The following LRP1B variants were observed in gnomAD, a reference collection of about 807,000 sequenced individuals.
LRP1B encodes the protein low-density lipoprotein receptor-related protein 1B.
A neutral mutation model predicts 556.6 loss-of-function variants in LRP1B; 217 were observed. That is an observed-to-expected ratio of 0.39 (90% CI 0.35 to 0.44). The LOEUF (loss-of-function observed/expected upper bound fraction) is 0.44. Ranked by LOEUF, LRP1B falls within the 20% of genes least tolerant of loss-of-function variation. The pLI, the probability that LRP1B is intolerant of heterozygous loss-of-function variation, is 1.00. For synonymous variants in LRP1B, 2,047 were observed against 1,865.8 expected, an observed-to-expected ratio of 1.10 and a Z score of -2.50; for missense variants, 5,053 against 5,620.8, an observed-to-expected ratio of 0.90 and a Z score of 3.23.
intron 1 of LRP1B, among the ~76,000 whole-genome samples, chr2:142,045,135 C>T (rs1457409703): frequency 2.6e-5 from 1 of 38,220 alleles, no homozygotes; most frequent in East Asian, 1.2e-3. Context: ...CAATATTACC[C>T]AAGGGGGAAA....
At chr2:142,072,318 G>C (rs902182909) in intron 1 of LRP1B, among the ~76,000 whole-genome samples, 1 of 151,766 alleles carries the variant, frequency 6.6e-6, no homozygotes, top group Non-Finnish European at 1.5e-5. Context: ...TTGCCCTTTG[G>C]GTAAATTCCA....
chr2:141,882,049 G>A (rs1356632894), intron 1 of LRP1B, among the ~76,000 whole-genome samples: 1 of 152,098 alleles, frequency 6.6e-6, no homozygotes, highest in African/African-American at 2.4e-5. Context: ...GAGCCATGGT[G>A]TAGGGCCTCA....
intron 2 of LRP1B, among the ~76,000 whole-genome samples, chr2:141,544,381 T>TCTTCTTCTTCCTCTTCTTCTTCTTCTC (rs1685463294): frequency 2.5e-5 from 2 of 79,756 alleles, no homozygotes; most frequent in African/African-American, 8.7e-5. Flanking sequence ...TTCTTCTTCT[T>TCTTCTTCTTCCTCTTCTTCTTCTTCTC]CTCCTCCTCC....
intron 3 of LRP1B, among the ~76,000 whole-genome samples, chr2:141,319,378 G>T (rs1687154318): frequency 8.2e-6 from 1 of 122,234 alleles, no homozygotes; most frequent in East Asian, 2.7e-4. Context: ...ATCTGTAATT[G>T]TAAATTATTT....
intron 3 of LRP1B, among the ~76,000 whole-genome samples, chr2:141,451,191 A>T (rs1378258798): frequency 6.6e-6 from 1 of 152,200 alleles, no homozygotes; most frequent in Non-Finnish European, 1.5e-5. Flanking sequence ...CTTGCAGCCA[A>T]GACCCTGAGT....
chr2:141,733,668 A>G (rs1415117110), intron 2 of LRP1B, among the ~76,000 whole-genome samples: 1 of 152,082 alleles, frequency 6.6e-6, no homozygotes, highest in South Asian at 2.1e-4. Flanking sequence ...TAATGCCCAC[A>G]TCATCATAGT....
chr2:142,121,506 C>T (rs1707455405), intron 1 of LRP1B, among the ~76,000 whole-genome samples: 1 of 152,148 alleles, frequency 6.6e-6, no homozygotes, highest in Non-Finnish European at 1.5e-5. Flanking sequence ...AAAATCACAA[C>T]TTCCTCTCAA....
At chr2:140,241,271 C>G (rs534208079) in intron 87 of LRP1B, among the ~76,000 whole-genome samples, 1 of 150,892 alleles carries the variant, frequency 6.6e-6, no homozygotes, top group South Asian at 2.1e-4. Flanking sequence ...AACACTTGTT[C>G]ACAAGTTTTA....
chr2:141,367,109 C>A (rs1329769243), intron 3 of LRP1B, among the ~76,000 whole-genome samples: 1 of 152,040 alleles, frequency 6.6e-6, no homozygotes, highest in African/African-American at 2.4e-5. Context: ...CTTTTCTTAG[C>A]CTTTGATAAA....
intron 41 of LRP1B, among the ~76,000 whole-genome samples, chr2:140,619,016 G>A (rs577779333): frequency 1.5e-4 from 23 of 151,502 alleles, no homozygotes; most frequent in South Asian, 4.2e-4. Context: ...GATTGTTTTC[G>A]TAACGTGACA....
chr2:140,383,855 ATAC>A (rs1297955970), intron 67 of LRP1B, among the ~76,000 whole-genome samples: 1 of 152,182 alleles, frequency 6.6e-6, no homozygotes, highest in African/African-American at 2.4e-5. Flanking sequence ...TGGGTATTTT[ATAC>A]TGGAATGCTT....
chr2:140,679,735 G>A (rs980528121), intron 41 of LRP1B, among the ~76,000 whole-genome samples: 12 of 151,950 alleles, frequency 7.9e-5, no homozygotes, highest in Non-Finnish European at 1.3e-4. Context: ...AGAAACTGGT[G>A]CCTGAGCATA....
At chr2:141,770,661 C>CA (rs1694872600) in intron 2 of LRP1B, among the ~76,000 whole-genome samples, 1 of 152,212 alleles carries the variant, frequency 6.6e-6, no homozygotes, top group African/African-American at 2.4e-5. Flanking sequence ...CAACAACCAT[C>CA]ACCCTCCCCC....
At chr2:140,605,730 G>A (rs1320399109) in intron 41 of LRP1B, among the ~76,000 whole-genome samples, 1 of 143,906 alleles carries the variant, frequency 6.9e-6, no homozygotes, top group Non-Finnish European at 1.5e-5. Context: ...AGTTTTTCTA[G>A]TATACGGTCT....
chr2:141,576,189 T>TACC (rs35529509), intron 2 of LRP1B, among the ~76,000 whole-genome samples: 1 of 151,924 alleles, frequency 6.6e-6, no homozygotes. Flanking sequence ...CCCAAATACC[T>TACC]AATGATAGAC....
chr2:141,517,847 GA>G (rs762707451), intron 2 of LRP1B, among the ~76,000 whole-genome samples: 1 of 152,082 alleles, frequency 6.6e-6, no homozygotes, highest in African/African-American at 2.4e-5. Context: ...AAGGATGTGG[GA>G]AAGCTTTTGT....
At chr2:141,914,455 C>T (rs1684666615) in intron 1 of LRP1B, among the ~76,000 whole-genome samples, 1 of 152,114 alleles carries the variant, frequency 6.6e-6, no homozygotes, top group Non-Finnish European at 1.5e-5. Context: ...CAGGTGGATG[C>T]CCACTCTCAC....
chr2:140,334,020 CAAAAA>C lies in LRP1B; in HGVS notation c.12223+428_12223+432del, dbSNP rs772476928. Among the ~76,000 whole-genome samples the C allele has an allele frequency of 9.1e-5, 13 of 143,056 alleles. 1 individual carries two copies. Among genetic ancestry groups the C allele is most frequent in the African/African-American group, 3.1e-4 (12 of 39,206 alleles). The allele number at this position is 143,056 out of a possible 152,430, so 93.9% of individuals were successfully genotyped here. Reference sequence around the variant, plus strand: ...GCAAAAAAAACAAAACAAAACAAAACAAAAAAAAAAACACCAAACCTGTCTTTTAC... The same window carrying C: ...GCAAAAAAAACAAAACAAAACAAAACAAAAAACACCAAACCTGTCTTTTAC... On this transcript the variant is annotated intron_variant, in intron 79 of 90. Coordinates refer to ENST00000389484, the MANE Select transcript of LRP1B (RefSeq NM_018557.3).
intron 2 of LRP1B, among the ~76,000 whole-genome samples, chr2:141,616,889 C>A (rs942492484): frequency 6.6e-6 from 1 of 152,258 alleles, no homozygotes; most frequent in East Asian, 1.9e-4. Flanking sequence ...TTGTAACTCT[C>A]TAATTTTTCT....
Sources: gnomAD v4.1 joint callset for allele counts (sites outside exome capture counted in the v4.1 genomes callset) on GRCh38, gnomAD v4.1.1 for gene constraint, MANE v1.5 for transcripts, NCBI Gene and HGNC (gene_info 2026-07-23, HGNC 2026-07-21) for gene names.